The following FEZ1 variants were observed in gnomAD, a reference collection of about 807,000 sequenced individuals.
The protein encoded by FEZ1 is fasciculation and elongation protein zeta-1.
FEZ1 carries 20 observed loss-of-function variants against 49.3 expected under a neutral mutation model. That is an observed-to-expected ratio of 0.41 (90% CI 0.29 to 0.59). FEZ1 has a LOEUF of 0.59. Ranked by LOEUF, FEZ1 falls within the 20% of genes least tolerant of loss-of-function variation. The pLI is 0.36. For synonymous variants in FEZ1, 170 were observed against 180.9 expected (o/e 0.94, Z 0.48); for missense variants, 413 against 476.0 (o/e 0.87, Z 1.23).
chr11:125,469,733 CTT>C (rs35644062), intron 3 of FEZ1, among the ~76,000 whole-genome samples: 71 of 140,330 alleles, frequency 5.1e-4, no homozygotes, highest in Admixed American at 1.2e-3. Flanking sequence ...CCAGCTAATG[CTT>C]TTTTTTTTTT....
intron 5 of FEZ1, among the ~76,000 whole-genome samples, chr11:125,459,644 CTGTCTT>C (rs1382691017): frequency 1.3e-5 from 2 of 152,090 alleles, no homozygotes; most frequent in South Asian, 2.1e-4. Context: ...TCTTTCTCAC[CTGTCTT>C]TGTGGAGAGG....
intron 2 of FEZ1, among the ~76,000 whole-genome samples, chr11:125,482,201 G>A (rs192499317): frequency 4.4e-4 from 67 of 152,252 alleles, no homozygotes; most frequent in African/African-American, 1.6e-3. Flanking sequence ...ATCTAATGTA[G>A]GTAAGGGAAT....
intron 6 of FEZ1, chr11:125,454,490 T>C: frequency 3.3e-6 from 1 of 304,496 alleles, no homozygotes. Flanking sequence ...ATCATGCAAA[T>C]AGAAAAATAA....
chr11:125,461,770 T>C (rs1445381139), intron 4 of FEZ1, among the ~76,000 whole-genome samples: 1 of 152,226 alleles, frequency 6.6e-6, no homozygotes, highest in Admixed American at 6.5e-5. Context: ...CATTGTACTC[T>C]TTGAGGTGGT....
rs144400093 is a variant in FEZ1 at position 125,463,118 on chromosome 11, G to A, written c.498+366C>T. On this transcript the variant is annotated intron_variant, in intron 4 of 9. Coordinates refer to ENST00000278919, the MANE Select transcript of FEZ1 (RefSeq NM_005103.5). The stretch of plus-strand genomic sequence containing the variant: ...AGTTTGAGACCAGCCTGGCCAACAT[G>A]GTGAAATCACATCTCTACCAAAAAA... 800 of 156,348 alleles carry A rather than the reference G, an allele frequency of 5.1e-3. 4 individuals carry two copies. The highest frequency in any genetic ancestry group is 0.018 in the African/African-American group (759 of 41,272). The allele number at this position is 156,348 out of a possible 1,614,324, so 9.7% of individuals were successfully genotyped here. A position where few individuals can be genotyped will look rare whatever the true frequency, so the allele number is the denominator to read the frequency against.
chr11:125,455,793 G>C (rs1193320807), intron 6 of FEZ1, 42 bp downstream of exon 6: 1 of 1,608,860 alleles, frequency 6.2e-7, no homozygotes, highest in Non-Finnish European at 8.5e-7. Context: ...GGCAGGGTTG[G>C]AGGTTGGAGG....
chr11:125,492,358 G>A (rs1957390380), intron 1 of FEZ1, among the ~76,000 whole-genome samples: 3 of 152,152 alleles, frequency 2.0e-5, no homozygotes, highest in Non-Finnish European at 4.4e-5. Context: ...AATGAAATTG[G>A]TTTCCTTTAC....
chr11:125,476,102 T>G (rs534396318), intron 3 of FEZ1, among the ~76,000 whole-genome samples: 1 of 152,282 alleles, frequency 6.6e-6, no homozygotes, highest in African/African-American at 2.4e-5. Flanking sequence ...TGAAAACTAA[T>G]CTACAACGAC....
chr11:125,464,834 T>A (rs1326655205), intron 3 of FEZ1, among the ~76,000 whole-genome samples: 1 of 152,244 alleles, frequency 6.6e-6, no homozygotes, highest in South Asian at 2.1e-4. Flanking sequence ...GGGTACCAGA[T>A]GGTGACATCT....
In FEZ1 at chr11:125,463,562, C is replaced by G; in HGVS notation, c.420G>C (p.Glu140Asp). ...TCTCATTGAACTCTTCCTCTTCTTTCTCATGGATCTGGAGAGGAGGTGGGG... is the reference window on the plus strand; with the variant it reads ...TCTCATTGAACTCTTCCTCTTCTTTGTCATGGATCTGGAGAGGAGGTGGGG... ...NGNCSDTEIHEKEEEEFNEKS... is the reference protein window; with the variant it reads ...NGNCSDTEIHDKEEEEFNEKS... Residue 140 changes from glutamate (E) to aspartate (D), a missense_variant, in exon 4 of 10, where the codon GAG (glutamate) becomes GAC (aspartate). Coordinates refer to ENST00000278919, the MANE Select transcript of FEZ1 (RefSeq NM_005103.5). The G allele has an allele frequency of 6.2e-6, 10 of 1,604,428 alleles. No homozygotes were observed. The highest frequency in any genetic ancestry group is 7.7e-6 in the Non-Finnish European group (9 of 1,171,210).
intron 8 of FEZ1, among the ~76,000 whole-genome samples, chr11:125,451,106 A>G (rs1432211526): frequency 1.3e-5 from 2 of 152,224 alleles, no homozygotes; most frequent in Non-Finnish European, 2.9e-5. Context: ...AATACTTTAC[A>G]TATATCAACC....
chr11:125,455,867 G>A lies in FEZ1; in HGVS notation c.907C>T (p.Arg303Trp), dbSNP rs533020026. The change falls in exon 6 of 10, where the codon CGG becomes TGG. Residue 303 changes from arginine to tryptophan, a missense_variant. By Grantham distance (101) the Arg-to-Trp change is moderately radical. Coordinates refer to ENST00000278919, the MANE Select transcript of FEZ1 (RefSeq NM_005103.5). ...GGCATCTGGTTTCCCTTCTCTATCC[G>A]GCTGCTCTGCAGGCTCAGCCCTTTC... ...KEKGLSLQSS[R>W]IEKGNQMPLK... The A allele has an allele frequency of 1.5e-5, 24 of 1,613,670 alleles. No individual in the cohort carries two copies. The highest frequency in any genetic ancestry group is 4.5e-5 in the East Asian group (2 of 44,830).
chr11:125,489,562 G>A lies in FEZ1; in HGVS notation c.216C>T (p.Val72=), dbSNP rs566112690. Residue 72 remains valine, a synonymous_variant, in exon 2 of 10, where the codon GTC becomes GTT. Coordinates refer to ENST00000278919, the MANE Select transcript of FEZ1 (RefSeq NM_005103.5). This position sits in a 1 kb window ranked among gnomAD's most constrained non-coding sequence, Gnocchi z 4.2. Reference sequence around the variant, plus strand: ...TCTTGGCGTTGTAGTTCCGAAAGCAGACATTGAGCTTCTCATCAAATTCAT... The same window carrying A: ...TCTTGGCGTTGTAGTTCCGAAAGCAAACATTGAGCTTCTCATCAAATTCAT... ...LVNEFDEKLN[V]CFRNYNAKTE... The A allele has an allele frequency of 6.2e-7, 1 of 1,614,142 alleles. No homozygotes were observed. Among genetic ancestry groups the A allele is most frequent in the African/African-American group, 1.3e-5 (1 of 75,038 alleles).
Position 125,489,738 on chromosome 11 carries a change from C to T in FEZ1, c.40G>A (p.Asp14Asn). The T allele has an allele frequency of 6.3e-7, 1 of 1,580,524 alleles. No individual in the cohort carries two copies. The highest frequency in any genetic ancestry group is 1.7e-4 in the Middle Eastern group (1 of 5,852). ...TCCTCCGAGCAGGAGGGTCGAAGGT[C>T]CTCAAACTCTTCATCCAGACTCACC... is the stretch of plus-strand genomic sequence containing the variant. ...PLVSLDEEFE[D>N]LRPSCSEDPE... is the part of the protein sequence containing the mutation. The change falls in exon 2 of 10, where the codon GAC becomes AAC. Residue 14 changes from aspartate to asparagine, a missense_variant. Transcript: ENST00000278919. The surrounding 1 kb of genome is among the most constrained non-coding windows in gnomAD (Gnocchi z 4.2).
intron 2 of FEZ1, among the ~76,000 whole-genome samples, chr11:125,487,866 A>C (rs1957340122): frequency 6.6e-6 from 1 of 152,152 alleles, no homozygotes; most frequent in Non-Finnish European, 1.5e-5. Flanking sequence ...TCTATGTGTA[A>C]AAGTAGAGTC....
At position 125,477,053 on chromosome 11, in the gene FEZ1, A is replaced by G. The variant is rs141100341; in HGVS notation, c.411+4481T>C. Among the ~76,000 whole-genome samples the G allele has an allele frequency of 2.6e-5, 4 of 152,326 alleles. No individual in the cohort carries two copies. In the East Asian group the frequency reaches 7.7e-4, roughly 29 times the overall value. On this transcript the variant is annotated intron_variant, in intron 3 of 9. Transcript: ENST00000278919. Reference sequence around the variant, plus strand: ...AGAAAGATGAAAGGTACTAACTGGGATGTTTTCAAGAAAAAAACATGGAAT... The same window carrying G: ...AGAAAGATGAAAGGTACTAACTGGGGTGTTTTCAAGAAAAAAACATGGAAT...
intron 2 of FEZ1, among the ~76,000 whole-genome samples, chr11:125,486,978 T>C (rs985954259): frequency 1.3e-5 from 2 of 152,232 alleles, no homozygotes; most frequent in Non-Finnish European, 2.9e-5. Flanking sequence ...TTCCTCCCGC[T>C]ACACTGTCCC....
chr11:125,488,164 A>G (rs2135785828), intron 2 of FEZ1, among the ~76,000 whole-genome samples: 1 of 152,342 alleles, frequency 6.6e-6, no homozygotes, highest in Non-Finnish European at 1.5e-5. Flanking sequence ...TGTACAGTAC[A>G]ATGAAATATT....
At chr11:125,452,279 G>A (rs1956964775) in intron 8 of FEZ1, 55 bp downstream of exon 8, 3 of 1,214,036 alleles carry the variant, frequency 2.5e-6, no homozygotes. Flanking sequence ...ACAACGTACA[G>A]GCAGGAAGGG....
Sources: allele counts gnomAD v4.1 joint callset (sites outside exome capture counted in the v4.1 genomes callset), GRCh38; gene constraint gnomAD v4.1.1; non-coding constraint Gnocchi (gnomAD v3.1); transcripts MANE v1.5; gene names NCBI Gene and HGNC (gene_info 2026-07-23, HGNC 2026-07-21).